TYW1B: variants seen among roughly 807,000 people sequenced by gnomAD.
TYW1B encodes the protein S-adenosyl-L-methionine-dependent tRNA 4-demethylwyosine synthase TYW1B.
Under a neutral mutation model 86.9 loss-of-function variants are expected in TYW1B, and 73 were observed. The ratio of observed to expected loss-of-function variants is 0.84; its 90% CI spans 0.70 to 1.02. The LOEUF (loss-of-function observed/expected upper bound fraction) is 1.02, where lower values mean the gene tolerates loss of function less well. Ranked by LOEUF, TYW1B falls within the 50% of genes least tolerant of loss-of-function variation. The pLI, the probability that TYW1B is intolerant of heterozygous loss-of-function variation, is 0.00. For synonymous variants in TYW1B, 248 were observed against 292.8 expected (o/e 0.85, Z 1.56); for missense variants, 637 against 827.4 (o/e 0.77, Z 2.82).
chr7:72,724,012 A>G (rs1786953648), intron 9 of TYW1B, among the ~76,000 whole-genome samples: 1 of 148,616 alleles, frequency 6.7e-6, no homozygotes, highest in African/African-American at 2.5e-5. Flanking sequence ...TTCTATTATC[A>G]TAATTTTACA....
At chr7:72,731,125 GAAAAAAAAA>G (rs1162938084) in intron 8 of TYW1B, among the ~76,000 whole-genome samples, 5 of 71,160 alleles carry the variant, frequency 7.0e-5, no homozygotes, top group African/African-American at 2.7e-4. Context: ...CTAAGGGCTG[GAAAAAAAAA>G]AAAAAAAAAA....
intron 11 of TYW1B, among the ~76,000 whole-genome samples, chr7:72,686,699 C>T (rs1280309786): frequency 6.6e-6 from 1 of 152,126 alleles, no homozygotes; most frequent in Non-Finnish European, 1.5e-5. Context: ...ATGTAAAATA[C>T]AGACTGTGGC....
chr7:72,665,701 G>A (rs1312808460), intron 11 of TYW1B, among the ~76,000 whole-genome samples: 1 of 152,166 alleles, frequency 6.6e-6, no homozygotes, highest in Non-Finnish European at 1.5e-5. Flanking sequence ...AGTGGCAGTA[G>A]CCTATGTTAT....
intron 12 of TYW1B, among the ~76,000 whole-genome samples, chr7:72,618,227 A>ATTTTTTTTTTTTTTTTTTTTTTTTTTTTT (rs869158136): frequency 4.8e-5 from 5 of 103,940 alleles, no homozygotes; most frequent in African/African-American, 7.9e-5. Flanking sequence ...ATGACACTGA[A>ATTTTTTTTTTTTTTTTTTTTTTTTTTTTT]TTTTTTTTTT....
At chr7:72,634,262 T>C (rs1440984918) in intron 11 of TYW1B, among the ~76,000 whole-genome samples, 3 of 151,086 alleles carry the variant, frequency 2.0e-5, no homozygotes, top group Non-Finnish European at 4.4e-5. Context: ...CACTACAGCC[T>C]CAACCTCCCA....
At chr7:72,811,270 CAA>C (rs1243709262) in intron 3 of TYW1B, among the ~76,000 whole-genome samples, 19 of 67,772 alleles carry the variant, frequency 2.8e-4, no homozygotes, top group Admixed American at 7.4e-4. Context: ...GACTCCATCT[CAA>C]AAAAAAAAAA....
At chr7:72,671,930 G>A (rs1341849563) in intron 11 of TYW1B, among the ~76,000 whole-genome samples, 1 of 150,488 alleles carries the variant, frequency 6.6e-6, no homozygotes, top group Non-Finnish European at 1.5e-5. Flanking sequence ...ATAGGAGGCT[G>A]GATAAATATT....
At chr7:72,716,319 T>A (rs552861165) in intron 9 of TYW1B, among the ~76,000 whole-genome samples, 5 of 152,354 alleles carry the variant, frequency 3.3e-5, no homozygotes, top group African/African-American at 1.2e-4. Context: ...TTAAATGAGA[T>A]AATGCATGTA....
chr7:72,724,969 CTCTT>C (rs1482901337), intron 9 of TYW1B, among the ~76,000 whole-genome samples: 5 of 152,112 alleles, frequency 3.3e-5, no homozygotes, highest in African/African-American at 9.7e-5. Context: ...AATTTTAAAA[CTCTT>C]TTGTTTTCCT....
intron 11 of TYW1B, among the ~76,000 whole-genome samples, chr7:72,662,418 T>TACAGATAG (rs1293459145): frequency 6.7e-4 from 33 of 49,388 alleles, no homozygotes; most frequent in African/African-American, 2.0e-3. Flanking sequence ...AGGTTTTTAA[T>TACAGATAG]ATATATATAT....
In TYW1B at chr7:72,702,480, T is replaced by C. The variant is rs553365600; in HGVS notation, c.1371-7658A>G. ...TCAGCTCACTGCAACCTCTGCCTCC[T>C]GGGTTCAAGCGATTCTCTTGCCTCA... On this transcript the variant is annotated intron_variant, in intron 10 of 13. Transcript: ENST00000620995. Among the ~76,000 whole-genome samples, 20 of 152,196 alleles carry C rather than the reference T, an allele frequency of 1.3e-4. No individual in the cohort carries two copies. In the South Asian group the frequency reaches 3.9e-3, roughly 30 times the overall value.
At chr7:72,585,753 G>A (rs1811260233) in intron 13 of TYW1B, among the ~76,000 whole-genome samples, 2 of 152,078 alleles carry the variant, frequency 1.3e-5, no homozygotes. Flanking sequence ...TGATTGTGAT[G>A]CCACCCCAGC....
At chr7:72,716,354 C>A (rs1265504556) in intron 9 of TYW1B, among the ~76,000 whole-genome samples, 1 of 152,188 alleles carries the variant, frequency 6.6e-6, no homozygotes, top group African/African-American at 2.4e-5. Context: ...GTGTCTGGCA[C>A]ACAAGAAACG....
intron 7 of TYW1B, 95 bp downstream of exon 7, chr7:72,777,321 G>A: frequency 7.0e-7 from 1 of 1,426,798 alleles, no homozygotes; most frequent in Non-Finnish European, 9.7e-7. Context: ...ACTATGAACA[G>A]CTGCTGAGCT....
intron 6 of TYW1B, among the ~76,000 whole-genome samples, chr7:72,801,339 A>C (rs1274737708): frequency 1.3e-5 from 2 of 152,196 alleles, no homozygotes; most frequent in East Asian, 3.8e-4. Context: ...AAAAAAATAA[A>C]AAATAAATTA....
intron 6 of TYW1B, among the ~76,000 whole-genome samples, chr7:72,795,381 C>T (rs1788287430): frequency 6.6e-6 from 1 of 151,616 alleles, no homozygotes; most frequent in African/African-American, 2.4e-5. Context: ...ATGGTTATCG[C>T]CTCACCATGT....
At chr7:72,644,197 T>C (rs1812871394) in intron 11 of TYW1B, among the ~76,000 whole-genome samples, 1 of 152,158 alleles carries the variant, frequency 6.6e-6, no homozygotes, top group South Asian at 2.1e-4. Flanking sequence ...TGATAATAGA[T>C]AGTCACATAA....
chr7:72,642,875 T>C (rs1194879577), intron 11 of TYW1B, among the ~76,000 whole-genome samples: 1 of 152,116 alleles, frequency 6.6e-6, no homozygotes, highest in Non-Finnish European at 1.5e-5. Context: ...CACTCCAGCC[T>C]GGGGAATAGA....
chr7:72,602,805 C>G (rs1436030004), intron 13 of TYW1B, among the ~76,000 whole-genome samples: 4 of 147,920 alleles, frequency 2.7e-5, no homozygotes, highest in Non-Finnish European at 4.5e-5. Flanking sequence ...CCTGGAGAAT[C>G]TTGTAGTGCC....
Sources: allele counts gnomAD v4.1 joint callset (sites outside exome capture counted in the v4.1 genomes callset), GRCh38; gene constraint gnomAD v4.1.1; transcripts MANE v1.5; gene names NCBI Gene and HGNC (gene_info 2026-07-23, HGNC 2026-07-21).